MON2: variants seen among roughly 807,000 people sequenced by gnomAD.
MON2 encodes the protein MON2 regulator of endosome-to-Golgi trafficking, also known as protein MON2 homolog.
In MON2, 84 loss-of-function variants were observed where a neutral mutation model predicts 208.6. The ratio of observed to expected loss-of-function variants is 0.40; its 90% CI spans 0.34 to 0.48. MON2 has a LOEUF of 0.48. Ranked by LOEUF, MON2 falls within the 20% of genes least tolerant of loss-of-function variation. MON2 has a pLI of 0.59. For synonymous variants in MON2, 660 were observed against 694.0 expected (o/e 0.95, Z 0.77); for missense variants, 1,611 against 2,015.4 (o/e 0.80, Z 3.84).
At chr12:62,505,515 G>C (rs936153845) in intron 7 of MON2, among the ~76,000 whole-genome samples, 1 of 152,116 alleles carries the variant, frequency 6.6e-6, no homozygotes, top group Admixed American at 6.5e-5. Flanking sequence ...AAATCTAAGA[G>C]AGTGTGACAT....
intron 25 of MON2, among the ~76,000 whole-genome samples, chr12:62,556,732 T>C (rs1264770262): frequency 6.6e-6 from 1 of 151,898 alleles, no homozygotes; most frequent in African/African-American, 2.4e-5. Flanking sequence ...TCAAAGAGAT[T>C]GAGAGGTAGT....
intron 26 of MON2, among the ~76,000 whole-genome samples, chr12:62,561,770 G>A (rs751417579): frequency 2.0e-4 from 31 of 152,114 alleles, no homozygotes; most frequent in Non-Finnish European, 3.7e-4. Flanking sequence ...CAACTGAGTA[G>A]CCAGCCATTC....
Position 62,495,036 on chromosome 12 carries a change from T to C in MON2, c.324T>C (p.Ile108=), listed in dbSNP as rs2070394125. 1.9e-6 allele frequency: 3 copies of C among 1,608,288 alleles called. No homozygotes were observed. The highest frequency in any genetic ancestry group is 4.5e-5 in the East Asian group (2 of 44,790). ...TACAGACTGCAGCTGGAAATATAAT[T>C]AACATGCTTTGGCAGCTAATGGAGA... ...VVSETAAGNI[I]NMLWQLMENS... The change falls in exon 4 of 35, where the codon ATT becomes ATC. Residue 108 remains isoleucine (I), a synonymous_variant. Coordinates refer to ENST00000393630, the MANE Select transcript of MON2 (RefSeq NM_015026.3).
chr12:62,573,374 T>C (rs1292860492), intron 30 of MON2, among the ~76,000 whole-genome samples: 1 of 151,694 alleles, frequency 6.6e-6, no homozygotes, highest in African/African-American at 2.4e-5. Context: ...ATTAACAAAT[T>C]GAATAAGCTT....
At chr12:62,578,817 T>G (rs1296866410) in intron 31 of MON2, among the ~76,000 whole-genome samples, 1 of 152,246 alleles carries the variant, frequency 6.6e-6, no homozygotes, top group Non-Finnish European at 1.5e-5. Flanking sequence ...GAGAGCTTAC[T>G]CTGCAGTTTG....
chr12:62,571,894 A>G (rs1045534385), intron 30 of MON2, among the ~76,000 whole-genome samples: 3 of 152,374 alleles, frequency 2.0e-5, no homozygotes, highest in Admixed American at 2.0e-4. Context: ...CCCATTGGGC[A>G]TTGCAAGAGA....
chr12:62,584,418 A>G (rs2075121262), intron 32 of MON2, among the ~76,000 whole-genome samples: 1 of 152,184 alleles, frequency 6.6e-6, no homozygotes, highest in African/African-American at 2.4e-5. Flanking sequence ...AAAATAAGGC[A>G]TGAGGCTGGG....
chr12:62,546,010 AG>A (rs1249146724), intron 21 of MON2, among the ~76,000 whole-genome samples: 1 of 152,176 alleles, frequency 6.6e-6, no homozygotes, highest in South Asian at 2.1e-4. Context: ...CCTAGAGAGA[AG>A]AAAGTTAAGA....
At chr12:62,538,530 T>C in intron 19 of MON2, 25 bp downstream of exon 19, 1 of 1,409,780 alleles carries the variant, frequency 7.1e-7, no homozygotes, top group Non-Finnish European at 1.0e-6. Flanking sequence ...CTTTCTGTTT[T>C]AGATATGATA....
chr12:62,494,033 C>A lies in MON2; in HGVS notation c.294C>A (p.Val98=), dbSNP rs138944932. The change falls in exon 3 of 35, where the codon GTC becomes GTA. Residue 98 remains valine, a synonymous_variant. Coordinates refer to ENST00000393630, the MANE Select transcript of MON2 (RefSeq NM_015026.3). ...TTCAGAGACTCATGTCACATGAAGT[C>A]GTGTCTGAGGTAATATGAAGATTTT... ...AAIQRLMSHE[V]VSETAAGNII... 1.1e-4 allele frequency: 180 copies of A among 1,611,606 alleles called. No homozygotes were observed. Among genetic ancestry groups the A allele is most frequent in the Non-Finnish European group, 1.5e-4 (174 of 1,178,644 alleles).
In MON2 at chr12:62,597,281, A is replaced by G. The variant is rs1056697849; in HGVS notation, c.*4532A>G. On this transcript the variant is annotated 3_prime_UTR_variant, in exon 35 of 35. Transcript: ENST00000393630. ...TTATGTTTACGTTACCATCTTTCTT[A>G]TACTTTCCCCTGATTTTTCTCTTTT... is the stretch of plus-strand genomic sequence containing the variant. 6.6e-6 allele frequency: 1 copy of G among 151,462 alleles called. No homozygotes were observed. Among genetic ancestry groups the G allele is most frequent in the Non-Finnish European group, 1.5e-5 (1 of 67,890 alleles). The allele number at this position is 151,462 out of a possible 1,614,324, so 9.4% of individuals were successfully genotyped here.
At chr12:62,500,324 C>A (rs1004872242) in intron 5 of MON2, among the ~76,000 whole-genome samples, 1 of 152,140 alleles carries the variant, frequency 6.6e-6, no homozygotes, top group Non-Finnish European at 1.5e-5. Context: ...CTAGCTGATT[C>A]TTAGCTGGTG....
chr12:62,495,196 G>A lies in MON2; in HGVS notation c.435+49G>A, dbSNP rs200176981. 6.7e-5 allele frequency: 101 copies of A among 1,501,144 alleles called. No homozygotes were observed. In the East Asian group the frequency reaches 2.3e-3, roughly 34 times the overall value. The allele number at this position is 1,501,144 out of a possible 1,614,324, so 93.0% of individuals were successfully genotyped here. ...TCATATGTGCTTTGAGACAGTATTT[G>A]AATAAGCTGGCTGAAAGAGAAAAGC... On this transcript the variant is annotated intron_variant, in intron 4 of 34. Coordinates refer to ENST00000393630, the MANE Select transcript of MON2 (RefSeq NM_015026.3).
chr12:62,474,823 T>G (rs1340608058), intron 1 of MON2, among the ~76,000 whole-genome samples: 2 of 152,224 alleles, frequency 1.3e-5, no homozygotes, highest in Admixed American at 1.3e-4. Flanking sequence ...GTTGCCTACT[T>G]TAGTCATATT....
intron 12 of MON2, among the ~76,000 whole-genome samples, chr12:62,534,542 A>ATATATATATATATATATAT (rs1306662466): frequency 1.8e-4 from 4 of 22,848 alleles, no homozygotes; most frequent in Admixed American, 7.4e-4. Context: ...AAAAAAAAAA[A>ATATATATATATATATATAT]ATATATATAT....
intron 1 of MON2, chr12:62,470,775 C>A: frequency 9.3e-7 from 1 of 1,070,942 alleles, no homozygotes; most frequent in South Asian, 2.5e-5. Context: ...AAATAGCACA[C>A]GTTGTTAGTA....
In MON2 at chr12:62,600,186, C is replaced by G. The variant is rs2075596043; in HGVS notation, c.*7437C>G. On this transcript the variant is annotated 3_prime_UTR_variant, in exon 35 of 35. Transcript: ENST00000393630. ...TGTAGTGTGTTCTAAAGCGCTGTGCCTGGAGCATCATCACCACTAGGTGGT... is the reference window on the plus strand; with the variant it reads ...TGTAGTGTGTTCTAAAGCGCTGTGCGTGGAGCATCATCACCACTAGGTGGT... The G allele has an allele frequency of 6.6e-6, 1 of 152,178 alleles. No individual in the cohort carries two copies. The highest frequency in any genetic ancestry group is 1.5e-5 in the Non-Finnish European group (1 of 68,044). 9.4% of individuals were successfully genotyped at this position (152,178 alleles called of 1,614,324 possible). A position where few individuals can be genotyped will look rare whatever the true frequency, so the allele number is the denominator to read the frequency against.
chr12:62,595,989 C>A lies in MON2; in HGVS notation c.*3240C>A, dbSNP rs2075519977. ...ATATTTTATTCTGGAGAATAATATT[C>A]AATTAAATTATTTCTACAGCAGGCC... On this transcript the variant is annotated 3_prime_UTR_variant, in exon 35 of 35. Coordinates refer to ENST00000393630, the MANE Select transcript of MON2 (RefSeq NM_015026.3). 1 of 151,550 alleles carries A rather than the reference C, an allele frequency of 6.6e-6. No individual in the cohort carries two copies. The highest frequency in any genetic ancestry group is 2.4e-5 in the African/African-American group (1 of 41,192). The allele number at this position is 151,550 out of a possible 1,614,324, so 9.4% of individuals were successfully genotyped here. A position where few individuals can be genotyped will look rare whatever the true frequency, so the allele number is the denominator to read the frequency against.
At chr12:62,500,645 A>C in intron 5 of MON2, 138 bp from the exon 6 acceptor site, 4 of 510,042 alleles carry the variant, frequency 7.8e-6, no homozygotes, top group Non-Finnish European at 1.4e-5. Flanking sequence ...ATATGTTAAC[A>C]TTGGAAATTT....
Sources: gnomAD v4.1 joint callset for allele counts (sites outside exome capture counted in the v4.1 genomes callset) on GRCh38, gnomAD v4.1.1 for gene constraint, MANE v1.5 for transcripts, NCBI Gene and HGNC (gene_info 2026-07-23, HGNC 2026-07-21) for gene names.